The following COL11A1 variants were observed in gnomAD, a reference collection of about 807,000 sequenced individuals.
The protein encoded by COL11A1 is collagen alpha-1(XI) chain.
Under a neutral mutation model 265.2 loss-of-function variants are expected in COL11A1, and 74 were observed. The observed-to-expected ratio is 0.28, with a 90% CI of 0.23 to 0.34. COL11A1 has a LOEUF of 0.34. Ranked by LOEUF, COL11A1 falls within the 10% of genes least tolerant of loss-of-function variation. COL11A1 has a pLI of 1.00. For missense variants in COL11A1, 2,165 were observed against 2,263.6 expected (o/e 0.96, Z 0.88); for synonymous variants, 816 against 727.6 (o/e 1.12, Z -1.96).
intron 63 of COL11A1, 57 bp from the exon 64 acceptor site, chr1:102,883,368 C>T: frequency 2.0e-6 from 2 of 1,025,448 alleles, no homozygotes; most frequent in Non-Finnish European, 3.1e-6. Context: ...TTGTTGAATG[C>T]ATTAGATGTC....
chr1:102,979,273 A>G, intron 32 of COL11A1, 109 bp downstream of exon 32: 1 of 1,225,872 alleles, frequency 8.2e-7, no homozygotes, highest in Non-Finnish European at 1.2e-6. Flanking sequence ...CCGGGATTCA[A>G]GCAATCCTCC....
At chr1:103,018,017 A>G in intron 10 of COL11A1, 135 bp from the exon 11 acceptor site, 1 of 788,334 alleles carries the variant, frequency 1.3e-6, no homozygotes, top group Non-Finnish European at 2.1e-6. Context: ...TGCCCTATTT[A>G]TCTTCCTGTG....
Position 102,940,374 on chromosome 1 carries a change from G to C in COL11A1, c.3337C>G (p.Pro1113Ala). Residue 1113 changes from proline to alanine, a missense_variant, in exon 43 of 67, where the codon CCA becomes GCA. Pro to Ala is a conservative substitution (Grantham distance 27, BLOSUM62 -1). Transcript: ENST00000370096. ...GAGCCGGCAGGACCAGCTGGCCCTGGGAGACCAACAGGACCTTGAACTCCA... is the reference window on the plus strand; with the variant it reads ...GAGCCGGCAGGACCAGCTGGCCCTGCGAGACCAACAGGACCTTGAACTCCA... Reference protein sequence around the residue: ...RDGVQGPVGLPGPAGPAGSPG... With the variant: ...RDGVQGPVGLAGPAGPAGSPG... 1.2e-6 allele frequency: 2 copies of C among 1,613,994 alleles called. No homozygotes were observed. The highest frequency in any genetic ancestry group is 1.7e-6 in the Non-Finnish European group (2 of 1,179,958).
Position 102,887,245 on chromosome 1 carries a change from G to A in COL11A1, c.4609-189C>T, listed in dbSNP as rs11164629. ...CATAGATTCTTCTATGATGAACTTG[G>A]TGGAGATATTGAGGTAGGTGAATAA... On this transcript the variant is annotated intron_variant, in intron 62 of 66. Transcript: ENST00000370096. Among the ~76,000 whole-genome samples, 74,334 of 151,932 alleles carry A rather than the reference G, an allele frequency of 0.49. 21,778 individuals are homozygous for A. Among genetic ancestry groups the A allele is most frequent in the East Asian group, 0.67 (3,430 of 5,156 alleles).
rs983790716 is a variant in COL11A1 at position 103,107,391 on chromosome 1, G to C, written c.106+682C>G. Among the ~76,000 whole-genome samples, 5 of 151,712 alleles carry C rather than the reference G, an allele frequency of 3.3e-5. No homozygotes were observed. In the South Asian group the frequency reaches 8.4e-4, roughly 25 times the overall value. On this transcript the variant is annotated intron_variant, in intron 1 of 66. Coordinates refer to ENST00000370096, the MANE Select transcript of COL11A1 (RefSeq NM_001854.4). ...CCTGCAAGAAGAAGCGGAGGGGTGG[G>C]GTGGGGGGAGTCACTGAAATTCAGG...
At chr1:103,084,243 A>T (rs1019768415) in intron 1 of COL11A1, among the ~76,000 whole-genome samples, 4 of 151,826 alleles carry the variant, frequency 2.6e-5, no homozygotes, top group Non-Finnish European at 5.9e-5. Flanking sequence ...ATAACTCTTC[A>T]CTCCTTCAAC....
intron 52 of COL11A1, among the ~76,000 whole-genome samples, chr1:102,913,930 T>C (rs888954417): frequency 1.3e-4 from 20 of 152,134 alleles, no homozygotes; most frequent in Non-Finnish European, 2.5e-4. Flanking sequence ...GCTCTTTATA[T>C]AAGGAAGAAA....
chr1:103,100,721 A>T (rs867383120), intron 1 of COL11A1: 1 of 152,006 alleles, frequency 6.6e-6, no homozygotes, highest in Non-Finnish European at 1.5e-5. Flanking sequence ...AAGCATTAGA[A>T]CACCCAGCAA....
At chr1:102,954,580 C>T (rs936909575) in intron 41 of COL11A1, among the ~76,000 whole-genome samples, 2 of 152,214 alleles carry the variant, frequency 1.3e-5, no homozygotes, top group African/African-American at 4.8e-5. Flanking sequence ...CACCTTGGCT[C>T]ACGCCTGTAA....
At chr1:103,045,085 G>A (rs1401664054) in intron 4 of COL11A1, among the ~76,000 whole-genome samples, 1 of 151,904 alleles carries the variant, frequency 6.6e-6, no homozygotes, top group Non-Finnish European at 1.5e-5. Context: ...CAGCCCCAAG[G>A]CAAGAGATTA....
chr1:102,879,853 G>C lies in COL11A1; in HGVS notation c.5104C>G (p.Leu1702Val). ...NMVQMTFLKL[L>V]TASARQNFTY... ...AAATTTTGCCGAGCAGAGGCAGTCA[G>C]AAGTTTCAGGAATGTCATTTGCACC... Residue 1702 changes from leucine (L) to valine (V), a missense_variant, in exon 66 of 67, where the codon CTG (leucine) becomes GTG (valine). By Grantham distance (32) the Leu-to-Val change is conservative (BLOSUM62 1). Transcript: ENST00000370096. 6.2e-7 allele frequency: 1 copy of C among 1,613,942 alleles called. No individual in the cohort carries two copies. The highest frequency in any genetic ancestry group is 1.1e-5 in the South Asian group (1 of 91,080).
intron 4 of COL11A1, among the ~76,000 whole-genome samples, chr1:103,040,291 TAGAC>T (rs1364207353): frequency 1.3e-5 from 2 of 151,150 alleles, no homozygotes; most frequent in Non-Finnish European, 3.0e-5. Context: ...ATATTATATA[TAGAC>T]AGAGTTCAAA....
At chr1:102,955,787 CT>C (rs1408761426) in intron 41 of COL11A1, among the ~76,000 whole-genome samples, 2 of 151,916 alleles carry the variant, frequency 1.3e-5, no homozygotes, top group African/African-American at 4.8e-5. Flanking sequence ...AAAACATTTA[CT>C]CAGTTTATAT....
At chr1:102,978,835 C>T (rs758430988) in intron 34 of COL11A1, 25 bp downstream of exon 34, 1 of 1,614,016 alleles carries the variant, frequency 6.2e-7, no homozygotes. Flanking sequence ...CAGTAACATC[C>T]AAACAGAAAA....
rs777591392 is a variant in COL11A1 at position 102,898,796 on chromosome 1, A to C, written c.4141-23T>G. Reference sequence around the variant, plus strand: ...CCCCTGTTAGAAAGTAAAATATGGGAGCACATTAGTGATGAGAAAATACTT... The same window carrying C: ...CCCCTGTTAGAAAGTAAAATATGGGCGCACATTAGTGATGAGAAAATACTT... On this transcript the variant is annotated intron_variant, in intron 55 of 66. Coordinates refer to ENST00000370096, the MANE Select transcript of COL11A1 (RefSeq NM_001854.4). The C allele has an allele frequency of 1.5e-5, 24 of 1,592,626 alleles. No homozygotes were observed. The Middle Eastern group carries it at 6.7e-4, about 44-fold the overall frequency.
chr1:102,945,361 G>A (rs149926913), intron 42 of COL11A1, among the ~76,000 whole-genome samples: 3 of 150,066 alleles, frequency 2.0e-5, no homozygotes, highest in Non-Finnish European at 4.4e-5. Context: ...CCACTATCTT[G>A]GACTTTCCAT....
intron 25 of COL11A1, among the ~76,000 whole-genome samples, chr1:102,997,419 C>T (rs1338851868): frequency 6.6e-6 from 1 of 151,844 alleles, no homozygotes; most frequent in Admixed American, 6.6e-5. Flanking sequence ...AACAATTCAA[C>T]CCCAGCCTCA....
intron 4 of COL11A1, among the ~76,000 whole-genome samples, chr1:103,050,811 C>T (rs558525414): frequency 7.9e-5 from 12 of 152,242 alleles, no homozygotes; most frequent in African/African-American, 2.4e-4. Context: ...GTTAGTTTTC[C>T]TTCTAACAGA....
chr1:102,913,903 A>T (rs1218063988), intron 52 of COL11A1, among the ~76,000 whole-genome samples: 1 of 152,188 alleles, frequency 6.6e-6, no homozygotes, highest in African/African-American at 2.4e-5. Flanking sequence ...TAATATATCA[A>T]ATTTAAAATC....
Sources: allele counts gnomAD v4.1 joint callset (sites outside exome capture counted in the v4.1 genomes callset), GRCh38; gene constraint gnomAD v4.1.1; transcripts MANE v1.5; gene names NCBI Gene and HGNC (gene_info 2026-07-23, HGNC 2026-07-21).